CD47: variants seen among roughly 807,000 people sequenced by gnomAD.
CD47 encodes CD47 molecule, also known as leukocyte surface antigen CD47.
Under a neutral mutation model 44.6 loss-of-function variants are expected in CD47, and 11 were observed. The observed-to-expected ratio is 0.25, with a 90% confidence interval of 0.16 to 0.41. The LOEUF (loss-of-function observed/expected upper bound fraction) is 0.41, where lower values mean the gene tolerates loss of function less well. Ranked by LOEUF, CD47 falls within the 10% of genes least tolerant of loss-of-function variation. The pLI is 1.00. For missense variants in CD47, 306 were observed against 386.7 expected (o/e 0.79, Z 1.75); for synonymous variants, 140 against 136.3 (o/e 1.03, Z -0.19).
intron 2 of CD47, among the ~76,000 whole-genome samples, chr3:108,072,454 T>C (rs748005546): frequency 3.3e-5 from 5 of 152,242 alleles, no homozygotes; most frequent in Non-Finnish European, 7.3e-5. Flanking sequence ...CTCTGTTTTA[T>C]AGATATTAGC....
In CD47 at chr3:108,047,270, TC is replaced by T; in HGVS notation, c.*17del. 6.2e-7 allele frequency: 1 copy of T among 1,602,012 alleles called. No homozygotes were observed. The highest frequency in any genetic ancestry group is 8.5e-7 in the Non-Finnish European group (1 of 1,170,584). On this transcript the variant is annotated 3_prime_UTR_variant, in exon 11 of 11. Coordinates refer to ENST00000361309, the MANE Select transcript of CD47 (RefSeq NM_001777.4). ...CGTCTTACTACTCTCCAAATCGGAG[TC>T]CATCACTTCACTTCAGTTATTCTGG...
chr3:108,065,753 A>G, intron 3 of CD47, among the ~76,000 whole-genome samples: 1 of 135,700 alleles, frequency 7.4e-6, no homozygotes, highest in Admixed American at 8.4e-5. Context: ...CGGAGGTTGC[A>G]GTGAGCCGAG....
At chr3:108,061,150 A>G (rs1375697438) in intron 3 of CD47, among the ~76,000 whole-genome samples, 3 of 150,500 alleles carry the variant, frequency 2.0e-5, no homozygotes, top group African/African-American at 7.3e-5. Context: ...TGAGCTAGAT[A>G]AGTTTTTGGG....
chr3:108,090,922 G>A lies in CD47; in HGVS notation c.-14C>T, dbSNP rs2079624197. 2 of 1,468,902 alleles carry A rather than the reference G, an allele frequency of 1.4e-6. No individual in the cohort carries two copies. Among genetic ancestry groups the A allele is most frequent in the Non-Finnish European group, 1.8e-6 (2 of 1,114,202 alleles). 91.0% of individuals were successfully genotyped at this position (1,468,902 alleles called of 1,614,324 possible). ...CAGGGGCCACATCTCCGCGCCCGCC[G>A]CGGGGTCGCCGCCGCCGCCGCAGGT... On this transcript the variant is annotated 5_prime_UTR_variant, in exon 1 of 11. Coordinates refer to ENST00000361309, the MANE Select transcript of CD47 (RefSeq NM_001777.4).
chr3:108,058,368 GA>G lies in CD47; in HGVS notation c.752del (p.Leu251ProfsTer6). 6.4e-7 allele frequency: 1 copy of G among 1,565,318 alleles called. No homozygotes were observed. Among genetic ancestry groups the G allele is most frequent in the Non-Finnish European group, 8.7e-7 (1 of 1,153,096 alleles). On this transcript the variant is annotated frameshift_variant, in exon 6 of 11. Transcript: ENST00000361309. LOFTEE classifies it high-confidence loss of function. ...ILVIQVIAYILAVVGLSLCIA... is the reference protein window; with the variant it reads ...ILVIQVIAYIXAVVGLSLCIA... Reference sequence around the variant, plus strand: ...TACAGAGACTCAGTCCAACCACAGCGAGGATATAGGCTATCACCTGAATAAC... The same window carrying G: ...TACAGAGACTCAGTCCAACCACAGCGGGATATAGGCTATCACCTGAATAAC...
At chr3:108,077,046 C>T (rs1355674246) in intron 2 of CD47, among the ~76,000 whole-genome samples, 1 of 152,110 alleles carries the variant, frequency 6.6e-6, no homozygotes, top group Non-Finnish European at 1.5e-5. Flanking sequence ...GTATATAAAA[C>T]TATATCTTAT....
intron 1 of CD47, among the ~76,000 whole-genome samples, chr3:108,087,370 T>C (rs1196348556): frequency 2.0e-5 from 3 of 152,124 alleles, no homozygotes; most frequent in Non-Finnish European, 4.4e-5. Flanking sequence ...AGTGGCCTTA[T>C]AAGAATGGAA....
At chr3:108,064,418 T>C (rs1202736608) in intron 3 of CD47, among the ~76,000 whole-genome samples, 1 of 152,156 alleles carries the variant, frequency 6.6e-6, no homozygotes, top group East Asian at 1.9e-4. Context: ...CATGTCCCTC[T>C]AGCCACCTGA....
At chr3:108,053,745 G>T (rs1375574569) in intron 7 of CD47, 1 of 152,184 alleles carries the variant, frequency 6.6e-6, no homozygotes, top group Admixed American at 6.5e-5. Flanking sequence ...TGCCATGGGC[G>T]GCTTTAAATA....
chr3:108,058,258 G>A, intron 6 of CD47, 79 bp downstream of exon 6: 2 of 804,978 alleles, frequency 2.5e-6, no homozygotes, highest in Non-Finnish European at 3.7e-6. Flanking sequence ...TTTTTAAAAA[G>A]AGAGAAAGAA....
Position 108,060,716 on chromosome 3 carries a change from C to T in CD47, c.598+29G>A, listed in dbSNP as rs114443797. On this transcript the variant is annotated intron_variant, in intron 4 of 10. Transcript: ENST00000361309. ...TTGGAATGCACTCATCTACCTCCTG[C>T]GTTCCTGCCTAGGAACTGCACATCT... 940 of 1,440,830 alleles carry T rather than the reference C, an allele frequency of 6.5e-4. 2 individuals are homozygous for T. In the African/African-American group the frequency reaches 0.011, roughly 16 times the overall value. The allele number at this position is 1,440,830 out of a possible 1,614,324, so 89.3% of individuals were successfully genotyped here. A position where few individuals can be genotyped will look rare whatever the true frequency, so the allele number is the denominator to read the frequency against.
intron 5 of CD47, 85 bp from the exon 6 acceptor site, chr3:108,058,514 G>A: frequency 1.2e-6 from 1 of 856,768 alleles, no homozygotes; most frequent in Non-Finnish European, 1.8e-6. Context: ...TATAATCAGG[G>A]ATCTCCTAAG....
intron 2 of CD47, among the ~76,000 whole-genome samples, chr3:108,074,114 A>C (rs1281803917): frequency 5.9e-5 from 9 of 152,328 alleles, no homozygotes; most frequent in African/African-American, 1.4e-4. Context: ...GGAAGTAATA[A>C]TGTCTCATCA....
intron 4 of CD47, 36 bp downstream of exon 4, chr3:108,060,700 ACTCATCTAC>A: frequency 7.9e-7 from 1 of 1,265,342 alleles, no homozygotes. Flanking sequence ...CTTGGAATGC[ACTCATCTAC>A]CTCCTGCGTT....
chr3:108,074,718 G>A (rs951389545), intron 2 of CD47, among the ~76,000 whole-genome samples: 1 of 130,226 alleles, frequency 7.7e-6, no homozygotes, highest in Non-Finnish European at 1.6e-5. Context: ...GGGTGGGGGG[G>A]GGGGGCACAC....
chr3:108,051,916 T>C (rs551722933), intron 8 of CD47, 23 bp downstream of exon 8: 40 of 1,496,210 alleles, frequency 2.7e-5, no homozygotes, highest in Middle Eastern at 3.4e-4. Flanking sequence ...CATTCACAAT[T>C]CATTTAATAA....
intron 3 of CD47, among the ~76,000 whole-genome samples, chr3:108,064,846 T>C (rs1339241546): frequency 6.6e-6 from 1 of 152,234 alleles, no homozygotes; most frequent in Non-Finnish European, 1.5e-5. Flanking sequence ...TTAGAATATA[T>C]TTGGTGTCTG....
At position 108,077,266 on chromosome 3, in the gene CD47, T is replaced by C. The variant is rs568302757; in HGVS notation, c.400+2725A>G. ...AAAGTCCGTGACAAGTAAGTATTCT[T>C]ATTAGAAAAGAACTTATACTCCATA... On this transcript the variant is annotated intron_variant, in intron 2 of 10. Coordinates refer to ENST00000361309, the MANE Select transcript of CD47 (RefSeq NM_001777.4). Among the ~76,000 whole-genome samples the C allele has an allele frequency of 2.0e-5, 3 of 152,288 alleles. No individual in the cohort carries two copies. The South Asian group carries it at 6.2e-4, about 32-fold the overall frequency.
intron 3 of CD47, among the ~76,000 whole-genome samples, chr3:108,070,331 T>A (rs1012148626): frequency 6.6e-6 from 1 of 152,218 alleles, no homozygotes. Flanking sequence ...ATAAATCTTG[T>A]ATTTAAAAAG....
Sources: allele counts gnomAD v4.1 joint callset (sites outside exome capture counted in the v4.1 genomes callset), GRCh38; gene constraint gnomAD v4.1.1; transcripts MANE v1.5; gene names NCBI Gene and HGNC (gene_info 2026-07-23, HGNC 2026-07-21).